Variants in STAG3 observed in about 807,000 individuals in gnomAD.
The protein encoded by STAG3 is cohesin subunit SA-3.
A neutral mutation model predicts 160.7 loss-of-function variants in STAG3; 101 were observed. The ratio of observed to expected loss-of-function variants is 0.63; its 90% CI spans 0.54 to 0.74. The LOEUF (loss-of-function observed/expected upper bound fraction) is 0.74. Among genes scored for constraint, STAG3 ranks in the 30% least tolerant of loss-of-function variants. STAG3 has a pLI of 0.00. For missense variants in STAG3, 1,188 were observed against 1,517.4 expected (o/e 0.78, Z 3.61); for synonymous variants, 519 against 585.0 (o/e 0.89, Z 1.63).
rs368311063 is a variant in STAG3 at position 100,188,918 on chromosome 7, T to G, written c.617T>G (p.Leu206Arg). 1 of 1,614,162 alleles carries G rather than the reference T, an allele frequency of 6.2e-7. No individual in the cohort carries two copies. Among genetic ancestry groups the G allele is most frequent in the Non-Finnish European group, 8.5e-7 (1 of 1,180,016 alleles). Residue 206 changes from leucine (L) to arginine (R), a missense_variant, in exon 7 of 34, where the codon CTC (leucine) becomes CGC (arginine). Leu to Arg is a moderately radical substitution (Grantham distance 102). Coordinates refer to ENST00000615138, the MANE Select transcript of STAG3 (RefSeq NM_001282717.2). ...RTLVCQCQYS[L>R]LYDGFPMDDL... ...TTGGTCTGTCAGTGCCAGTACAGCCTCCTCTATGATGGCTTCCCTATGGAC... is the reference window on the plus strand; with the variant it reads ...TTGGTCTGTCAGTGCCAGTACAGCCGCCTCTATGATGGCTTCCCTATGGAC...
intron 16 of STAG3, 107 bp from the exon 17 acceptor site, chr7:100,200,125 GAGTT>G: frequency 1.5e-6 from 1 of 676,856 alleles, no homozygotes; most frequent in Non-Finnish European, 2.5e-6. Flanking sequence ...GGGAGCTACT[GAGTT>G]CTCTTTTCCT....
chr7:100,178,853 G>C (rs1361391991), intron 1 of STAG3, among the ~76,000 whole-genome samples: 1 of 147,768 alleles, frequency 6.8e-6, no homozygotes, highest in African/African-American at 2.5e-5. Context: ...TTTTGAGACA[G>C]AGTCTCGCTC....
chr7:100,188,671 T>A, intron 6 of STAG3, 141 bp from the exon 7 acceptor site: 1 of 1,107,900 alleles, frequency 9.0e-7, no homozygotes, highest in Non-Finnish European at 1.4e-6. Flanking sequence ...GATCTGAATA[T>A]GCCTCTCAAA....
intron 29 of STAG3, among the ~76,000 whole-genome samples, chr7:100,210,150 G>A (rs560032158): frequency 2.0e-5 from 3 of 152,160 alleles, no homozygotes; most frequent in Non-Finnish European, 4.4e-5. Context: ...GGGAGATCAG[G>A]AGGACACATC....
intron 8 of STAG3, among the ~76,000 whole-genome samples, chr7:100,195,072 C>T (rs534703811): frequency 2.8e-4 from 42 of 152,206 alleles, no homozygotes; most frequent in African/African-American, 8.7e-4. Context: ...CTGAATAGTC[C>T]GAATAACCAC....
chr7:100,211,743 AG>A (rs1410463894), intron 31 of STAG3, 51 bp from the exon 32 acceptor site: 17 of 1,591,522 alleles, frequency 1.1e-5, no homozygotes, highest in Middle Eastern at 1.7e-4. Flanking sequence ...AGAAACTCTC[AG>A]GGGTCCTCAA....
At chr7:100,217,482 T>C (rs1802860282), downstream of STAG3, among the ~76,000 whole-genome samples, 1 of 152,066 alleles carries the variant, frequency 6.6e-6, no homozygotes. Context: ...TGTGGGTTTT[T>C]CTCCTCCTGT....
In STAG3 at chr7:100,204,951, C is replaced by T. The variant is rs1441622701; in HGVS notation, c.2952-54C>T. 6 of 1,595,558 alleles carry T rather than the reference C, an allele frequency of 3.8e-6. No homozygotes were observed. In the East Asian group the frequency reaches 8.9e-5, roughly 24 times the overall value. Reference sequence around the variant, plus strand: ...TGCATTTGGACAGGATAGCTCAGGCCTGGGAGGGAAGTGGGAAGAGACTTT... The same window carrying T: ...TGCATTTGGACAGGATAGCTCAGGCTTGGGAGGGAAGTGGGAAGAGACTTT... On this transcript the variant is annotated intron_variant, in intron 27 of 33. Transcript: ENST00000615138.
At chr7:100,216,022 C>T (rs186748927), downstream of STAG3, among the ~76,000 whole-genome samples, 171 of 152,310 alleles carry the variant, frequency 1.1e-3, 1 homozygote, top group African/African-American at 3.9e-3. Flanking sequence ...ACCGAGGTCC[C>T]AGCCAACATC....
At chr7:100,210,613 T>A (rs1802096992) in intron 29 of STAG3, among the ~76,000 whole-genome samples, 1 of 152,198 alleles carries the variant, frequency 6.6e-6, no homozygotes, top group Non-Finnish European at 1.5e-5. Flanking sequence ...ACCACAGAAA[T>A]CTTGGATAGG....
At chr7:100,208,099 G>C (rs1478142688) in intron 29 of STAG3, among the ~76,000 whole-genome samples, 1 of 151,610 alleles carries the variant, frequency 6.6e-6, no homozygotes, top group Admixed American at 6.6e-5. Flanking sequence ...CTGGGCGAAA[G>C]AGCGAGATAC....
intron 18 of STAG3, 62 bp from the exon 19 acceptor site, chr7:100,200,707 C>T (rs976517495): frequency 3.2e-6 from 5 of 1,585,626 alleles, no homozygotes; most frequent in Non-Finnish European, 4.3e-6. Flanking sequence ...GTTCCACTTC[C>T]CGCCAGAAGA....
Position 100,199,295 on chromosome 7 carries a change from C to G in STAG3, c.1501C>G (p.Leu501Val). ...CCACGCTGCTTACTTAGTAGACAGT[C>G]TGTGGGACTGTGCAGGGGCTCGGCT... Reference protein sequence around the residue: ...HDHAAYLVDSLWDCAGARLKD... With the variant: ...HDHAAYLVDSVWDCAGARLKD... The change falls in exon 15 of 34, where the codon CTG becomes GTG. Residue 501 changes from leucine (L) to valine (V), a missense_variant. Coordinates refer to ENST00000615138, the MANE Select transcript of STAG3 (RefSeq NM_001282717.2). 2 of 1,614,136 alleles carry G rather than the reference C, an allele frequency of 1.2e-6. No individual in the cohort carries two copies. Among genetic ancestry groups the G allele is most frequent in the Non-Finnish European group, 1.7e-6 (2 of 1,179,984 alleles).
chr7:100,205,456 A>G (rs1220111242), intron 29 of STAG3, 72 bp downstream of exon 29: 10 of 1,433,634 alleles, frequency 7.0e-6, no homozygotes, highest in Admixed American at 4.8e-5. Flanking sequence ...TATTTTGTCA[A>G]GTATTTCATT....
chr7:100,194,009 G>A (rs1313485984), intron 8 of STAG3, among the ~76,000 whole-genome samples: 1 of 147,832 alleles, frequency 6.8e-6, no homozygotes, highest in African/African-American at 2.5e-5. Context: ...GTGCGATGGC[G>A]TGATCTTGGC....
At chr7:100,203,467 C>T (rs1801333106) in intron 25 of STAG3, among the ~76,000 whole-genome samples, 1 of 151,080 alleles carries the variant, frequency 6.6e-6, no homozygotes, top group South Asian at 2.1e-4. Flanking sequence ...AGGCGTGAGC[C>T]ACCATGCCTG....
At chr7:100,200,022 C>T (rs1420012612) in intron 16 of STAG3, 3 of 495,156 alleles carry the variant, frequency 6.1e-6, no homozygotes, top group African/African-American at 2.0e-5. Context: ...GCCAAGATCA[C>T]GCCACTGCAC....
chr7:100,197,973 T>C (rs1171685956), intron 11 of STAG3, 97 bp downstream of exon 11: 1 of 1,500,290 alleles, frequency 6.7e-7, no homozygotes, highest in Non-Finnish European at 9.3e-7. Flanking sequence ...ATGTCTTGGC[T>C]ATCCCAGCAT....
chr7:100,204,571 C>T (rs1213333796), intron 26 of STAG3, 56 bp from the exon 27 acceptor site: 1 of 1,587,554 alleles, frequency 6.3e-7, no homozygotes, highest in East Asian at 2.2e-5. Context: ...TGCTGGACTT[C>T]TCTGTTTCCG....
Sources: gnomAD v4.1 joint callset for allele counts (sites outside exome capture counted in the v4.1 genomes callset) on GRCh38, gnomAD v4.1.1 for gene constraint, MANE v1.5 for transcripts, NCBI Gene and HGNC (gene_info 2026-07-23, HGNC 2026-07-21) for gene names.